The following ZEB2 variants were observed in gnomAD, a reference collection of about 807,000 sequenced individuals.
The protein encoded by ZEB2 is zinc finger E-box-binding homeobox 2.
ZEB2 carries 6 observed loss-of-function variants against 99.9 expected under a neutral mutation model. The observed-to-expected ratio is 0.06, with a 90% confidence interval of 0.03 to 0.12. The LOEUF (loss-of-function observed/expected upper bound fraction) is 0.12, where lower values mean the gene tolerates loss of function less well. ZEB2 is among the 10% of genes least tolerant of loss of function. ZEB2 has a pLI of 1.00. For synonymous variants in ZEB2, 517 were observed against 542.5 expected, an observed-to-expected ratio of 0.95 and a Z score of 0.65; for missense variants, 969 against 1,502.8, an observed-to-expected ratio of 0.64 and a Z score of 5.87.
At chr2:144,423,247 T>C (rs1352334419) in intron 4 of ZEB2, among the ~76,000 whole-genome samples, 2 of 152,222 alleles carry the variant, frequency 1.3e-5, no homozygotes, top group Non-Finnish European at 2.9e-5. Flanking sequence ...TGTGACACTT[T>C]AAGTGCTTAT....
At chr2:144,495,830 A>G (rs1271201729) in intron 2 of ZEB2, 2 of 152,250 alleles carry the variant, frequency 1.3e-5, no homozygotes, top group Non-Finnish European at 2.9e-5. Flanking sequence ...CTGCTGTCCA[A>G]CGTGCTCCCT....
rs772830066 is a variant in ZEB2, at chr2:144,398,628, A to C, written c.2559T>G (p.Ser853=). Residue 853 remains serine, a synonymous_variant, in exon 8 of 10, where the codon TCT becomes TCG. Coordinates refer to ENST00000627532, the MANE Select transcript of ZEB2 (RefSeq NM_014795.4). ...AGTTCAGAGGCTCATCTGAGTTTTC[A>C]GATGAGGAAGAAACACTGTTATGAT... ...SLDHNSVSSS[S]ENSDEPLNLT... 2 of 1,614,054 alleles carry C rather than the reference A, an allele frequency of 1.2e-6. No individual in the cohort carries two copies. Among genetic ancestry groups the C allele is most frequent in the Non-Finnish European group, 8.5e-7 (1 of 1,180,030 alleles).
intron 2 of ZEB2, among the ~76,000 whole-genome samples, chr2:144,439,133 G>GAAAA (rs1174940162): frequency 3.9e-4 from 31 of 79,624 alleles, no homozygotes; most frequent in Admixed American, 1.1e-3. Context: ...CTGGGAGGAA[G>GAAAA]AAAAAAAAAA....
At chr2:144,404,502 GAGA>G (rs1193081859) in intron 5 of ZEB2, among the ~76,000 whole-genome samples, 1 of 152,012 alleles carries the variant, frequency 6.6e-6, no homozygotes, top group Non-Finnish European at 1.5e-5. Context: ...GGTGTCGGTG[GAGA>G]AGAACAAAAG....
intron 2 of ZEB2, chr2:144,482,229 T>C (rs556983811): frequency 1.3e-5 from 2 of 152,374 alleles, no homozygotes; most frequent in South Asian, 4.1e-4. Context: ...GCAGGTTCCC[T>C]GAAGAATAGC....
chr2:144,389,703 C>T lies in ZEB2; in HGVS notation c.3393G>A (p.Pro1131=), dbSNP rs1703129505. 1 of 1,613,750 alleles carries T rather than the reference C, an allele frequency of 6.2e-7. No individual in the cohort carries two copies. Among genetic ancestry groups the T allele is most frequent in the African/African-American group, 1.3e-5 (1 of 74,902 alleles). The part of the protein sequence containing the change: ...YSDSEERESM[P]RDGESEKEHE... The stretch of plus-strand genomic sequence containing the variant: ...GCTCCTTCTCGCTCTCGCCATCCCT[C>T]GGCATACTCTCCCTCTCCTCCGAGT... Residue 1131 remains proline (P), a synonymous_variant, in exon 10 of 10, where the codon CCG becomes CCA. Coordinates refer to ENST00000627532, the MANE Select transcript of ZEB2 (RefSeq NM_014795.4). The surrounding 1 kb of genome is among the most constrained non-coding windows in gnomAD (Gnocchi z 6.8).
chr2:144,485,289 G>A (rs185867700), intron 2 of ZEB2, among the ~76,000 whole-genome samples: 2 of 152,222 alleles, frequency 1.3e-5, no homozygotes. Flanking sequence ...AAATATAAAT[G>A]CCAGATTATG....
intron 2 of ZEB2, chr2:144,497,790 G>C (rs1704786900): frequency 6.5e-6 from 1 of 153,704 alleles, no homozygotes; most frequent in Non-Finnish European, 1.5e-5. Context: ...GATGATACTT[G>C]GTGGAGGGAG....
intron 4 of ZEB2, among the ~76,000 whole-genome samples, chr2:144,409,682 C>A (rs1386710720): frequency 6.6e-6 from 1 of 151,938 alleles, no homozygotes; most frequent in Non-Finnish European, 1.5e-5. Context: ...TTTTCTCTAT[C>A]CAAAAAAAGA....
Position 144,483,150 on chromosome 2 carries a change from A to ACACACACATGCG in ZEB2, c.73+34127_73+34128insCGCATGTGTGTG, listed in dbSNP as rs1553968400. On this transcript the variant is annotated intron_variant, in intron 2 of 9. Transcript: ENST00000627532. ...CACACACACACACACACACACACAC[A>ACACACACATGCG]CACACACACACACATACCCTAAGAC... Among the ~76,000 whole-genome samples, 517 of 149,650 alleles carry ACACACACATGCG rather than the reference A, an allele frequency of 3.5e-3. 7 individuals carry two copies. Among genetic ancestry groups the ACACACACATGCG allele is most frequent in the East Asian group, 0.011 (54 of 4,972 alleles).
intron 2 of ZEB2, chr2:144,516,863 G>A (rs1441732393): frequency 1.3e-5 from 2 of 151,462 alleles, no homozygotes; most frequent in Admixed American, 6.6e-5. Flanking sequence ...CCCCCGCCCC[G>A]GGATCCTGCG....
intron 2 of ZEB2, among the ~76,000 whole-genome samples, chr2:144,481,861 G>A (rs1704517904): frequency 6.6e-6 from 1 of 152,168 alleles, no homozygotes; most frequent in South Asian, 2.1e-4. Context: ...CCTTCAGACA[G>A]ATAACCATCA....
intron 4 of ZEB2, among the ~76,000 whole-genome samples, chr2:144,419,451 T>G (rs1703589923): frequency 6.6e-6 from 1 of 152,192 alleles, no homozygotes; most frequent in Non-Finnish European, 1.5e-5. Flanking sequence ...CTAGATTGTC[T>G]GAGTAAATAT....
chr2:144,401,670 C>T (rs1703312633), intron 6 of ZEB2, among the ~76,000 whole-genome samples: 1 of 152,134 alleles, frequency 6.6e-6, no homozygotes, highest in African/African-American at 2.4e-5. Flanking sequence ...TAGAATGTGA[C>T]AATTCTGTCA....
chr2:144,482,196 C>T (rs1336536222), intron 2 of ZEB2: 2 of 152,156 alleles, frequency 1.3e-5, no homozygotes, highest in Non-Finnish European at 2.9e-5. Flanking sequence ...CCTCCAAATA[C>T]ATCTTAAGGT....
chr2:144,396,361 A>G, intron 9 of ZEB2, 51 bp downstream of exon 9: 1 of 1,598,674 alleles, frequency 6.3e-7, no homozygotes, highest in Non-Finnish European at 8.6e-7. Context: ...AATATTATGA[A>G]ATGTACAGCA....
At chr2:144,483,148 A>ACACATG (rs1553968385) in intron 2 of ZEB2, among the ~76,000 whole-genome samples, 19 of 144,116 alleles carry the variant, frequency 1.3e-4, no homozygotes, top group African/African-American at 4.8e-4. Flanking sequence ...ACACACACAC[A>ACACATG]CACACACACA....
intron 2 of ZEB2, among the ~76,000 whole-genome samples, chr2:144,516,971 G>C (rs1293684147): frequency 2.0e-5 from 3 of 150,692 alleles, no homozygotes; most frequent in Non-Finnish European, 3.0e-5. Flanking sequence ...GGGAGGCGGA[G>C]GCGGAGGGAG....
intron 3 of ZEB2, 172 bp from the exon 4 acceptor site, chr2:144,425,039 G>C (rs1426383079): frequency 3.0e-6 from 2 of 655,804 alleles, no homozygotes; most frequent in Non-Finnish European, 5.3e-6. Flanking sequence ...AATAGTGCTA[G>C]CTGCACAAGA....
Sources: gnomAD v4.1 joint callset for allele counts (sites outside exome capture counted in the v4.1 genomes callset) on GRCh38, gnomAD v4.1.1 for gene constraint, Gnocchi (gnomAD v3.1) non-coding constraint, MANE v1.5 for transcripts, NCBI Gene and HGNC (gene_info 2026-07-23, HGNC 2026-07-21) for gene names.